CACNA1A: variants seen among roughly 807,000 people sequenced by gnomAD.
The protein encoded by CACNA1A is voltage-dependent P/Q-type calcium channel subunit alpha-1A.
In CACNA1A, 57 loss-of-function variants were observed where a neutral mutation model predicts 262.4. The observed-to-expected ratio is 0.22, with a 90% CI of 0.18 to 0.27. The LOEUF is 0.27. Ranked by LOEUF, CACNA1A falls within the 10% of genes least tolerant of loss-of-function variation. The probability of loss-of-function intolerance (pLI) is 1.00; values close to 1 mark genes in which losing one functional copy is unlikely to be tolerated. For missense variants in CACNA1A, 2,526 were observed against 3,562.8 expected (o/e 0.71, Z 7.41); for synonymous variants, 1,431 against 1,419.3 (o/e 1.01, Z -0.18).
chr19:13,358,433 C>T (rs2059044984), intron 6 of CACNA1A, among the ~76,000 whole-genome samples: 1 of 152,058 alleles, frequency 6.6e-6, no homozygotes, highest in African/African-American at 2.4e-5. Context: ...AGTGTGCACC[C>T]GTGAAGAGAC....
intron 29 of CACNA1A, among the ~76,000 whole-genome samples, 162 bp from the exon 30 acceptor site, chr19:13,253,263 C>T (rs1367350806): frequency 3.3e-5 from 5 of 151,848 alleles, no homozygotes; most frequent in South Asian, 2.1e-4. Context: ...CCCCGCTCTC[C>T]GCCGGACTAG....
chr19:13,413,354 C>T (rs373186284), intron 3 of CACNA1A, among the ~76,000 whole-genome samples: 6 of 150,968 alleles, frequency 4.0e-5, no homozygotes, highest in Admixed American at 1.3e-4. Flanking sequence ...GATCCGCCCG[C>T]CTTGGCCTCC....
intron 31 of CACNA1A, among the ~76,000 whole-genome samples, chr19:13,240,166 A>G (rs967957681): frequency 2.0e-5 from 3 of 147,772 alleles, no homozygotes; most frequent in Non-Finnish European, 4.5e-5. Flanking sequence ...AAAAAAAAAA[A>G]AGAGCGAGAG....
rs538918929 is a variant in CACNA1A, at chr19:13,379,701, G to A, written c.540-7922C>T. ...AACACTTTGGGAGGCCAAGGCTGGC[G>A]GATCACAAGGTCAGGAGTTCGAGAC... On this transcript the variant is annotated intron_variant, in intron 3 of 46. Transcript: ENST00000360228. 3.3e-5 allele frequency among the ~76,000 whole-genome samples: 5 copies of A among 151,976 alleles called. No individual in the cohort carries two copies. The South Asian group carries it at 1.0e-3, about 32-fold the overall frequency.
chr19:13,278,890 G>A (rs2057217318), intron 22 of CACNA1A, among the ~76,000 whole-genome samples: 2 of 152,118 alleles, frequency 1.3e-5, no homozygotes, highest in Non-Finnish European at 1.5e-5. Context: ...CTTCCTGGAG[G>A]GAGGGGCTGG....
chr19:13,318,292 T>C (rs918916908), intron 10 of CACNA1A, among the ~76,000 whole-genome samples: 2 of 152,138 alleles, frequency 1.3e-5, no homozygotes, highest in African/African-American at 4.8e-5. Context: ...TCCTGAAGCA[T>C]GAATGTGTCT....
At chr19:13,231,571 C>G in intron 35 of CACNA1A, 139 bp downstream of exon 35, 1 of 841,368 alleles carries the variant, frequency 1.2e-6, no homozygotes, top group Non-Finnish European at 1.8e-6. Context: ...CGCTCAGGGT[C>G]ACCTGATCCC....
At chr19:13,248,640 G>A (rs1373049229) in intron 30 of CACNA1A, among the ~76,000 whole-genome samples, 1 of 151,904 alleles carries the variant, frequency 6.6e-6, no homozygotes, top group Non-Finnish European at 1.5e-5. Flanking sequence ...GTCAGGAGTT[G>A]GAGACCAACC....
rs1468342463 is a variant in CACNA1A, at chr19:13,207,335, T to C, written c.7499A>G (p.Glu2500Gly). 2 of 1,561,846 alleles carry C rather than the reference T, an allele frequency of 1.3e-6. No individual in the cohort carries two copies. Among genetic ancestry groups the C allele is most frequent in the Admixed American group, 1.8e-5 (1 of 55,532 alleles). The change falls in exon 47 of 47, where the codon GAG (glutamate) becomes GGG (glycine). Residue 2500 changes from glutamate (E) to glycine (G), a missense_variant. Transcript: ENST00000360228. This position sits in a 1 kb window ranked among gnomAD's most constrained non-coding sequence, Gnocchi z 5.7. ...SRKGLHEPYS[E>G]SDDDWC ...GGCTTAGCACCAATCATCGTCACTC[T>C]CGCTGTAGGGTTCGTGCAGGCCCTT... is the stretch of plus-strand genomic sequence containing the variant.
At chr19:13,410,533 CTTTTTTCTTTTTT>C (rs1568617943) in intron 3 of CACNA1A, among the ~76,000 whole-genome samples, 17 of 134,374 alleles carry the variant, frequency 1.3e-4, no homozygotes, top group African/African-American at 5.0e-4. Context: ...TTTCTTTATT[CTTTTTTCTTTTTT>C]TTTTTTTTTT....
chr19:13,408,709 C>A (rs57410139), intron 3 of CACNA1A, among the ~76,000 whole-genome samples: 1,981 of 152,256 alleles, frequency 0.013, 44 homozygotes, highest in African/African-American at 0.044. Context: ...AGTTAATGTT[C>A]TTCCCATAAG....
At chr19:13,310,489 A>AAAAT (rs1568521426) in intron 12 of CACNA1A, among the ~76,000 whole-genome samples, 1 of 20,376 alleles carries the variant, frequency 4.9e-5, no homozygotes, top group Non-Finnish European at 7.8e-5. Flanking sequence ...AAAAAAAAAA[A>AAAAT]ATATATATAT....
At chr19:13,395,786 C>T (rs760245727) in intron 3 of CACNA1A, among the ~76,000 whole-genome samples, 2 of 151,596 alleles carry the variant, frequency 1.3e-5, no homozygotes, top group Admixed American at 1.3e-4. Context: ...GCCCCATACC[C>T]GGAAGGAATG....
intron 19 of CACNA1A, among the ~76,000 whole-genome samples, chr19:13,289,709 C>T (rs1012865494): frequency 1.1e-4 from 16 of 151,964 alleles, no homozygotes; most frequent in Non-Finnish European, 1.5e-5. Flanking sequence ...TGAGAGTCAC[C>T]GAGGATTATT....
At chr19:13,335,774 G>C (rs1434373051) in intron 7 of CACNA1A, 32 bp downstream of exon 7, 1 of 1,348,596 alleles carries the variant, frequency 7.4e-7, no homozygotes, top group Non-Finnish European at 1.1e-6. Context: ...AGAGGAGTGA[G>C]TGGGATGGGG....
Position 13,209,412 on chromosome 19 carries a change from C to G in CACNA1A, c.6426G>C (p.Arg2142=), listed in dbSNP as rs2054719179. The change falls in exon 45 of 47, where the codon CGG becomes CGC. Residue 2142 remains arginine (R), a synonymous_variant. Coordinates refer to ENST00000360228, the MANE Select transcript of CACNA1A (RefSeq NM_001127222.2). ...ARRLDDYSLE[R]VPPEENQRHH... is the part of the protein sequence containing the mutation. Reference sequence around the variant, plus strand: ...GCCGCTGGTTCTCCTCGGGCGGGACCCGCTCCAGCGAGTAATCGTCCAGGC... The same window carrying G: ...GCCGCTGGTTCTCCTCGGGCGGGACGCGCTCCAGCGAGTAATCGTCCAGGC... 2.2e-6 allele frequency: 3 copies of G among 1,394,942 alleles called. No homozygotes were observed. The highest frequency in any genetic ancestry group is 2.8e-6 in the Non-Finnish European group (3 of 1,070,594). The allele number at this position is 1,394,942 out of a possible 1,614,324, so 86.4% of individuals were successfully genotyped here.
chr19:13,388,788 T>G (rs1266652464), intron 3 of CACNA1A, among the ~76,000 whole-genome samples: 1 of 152,232 alleles, frequency 6.6e-6, no homozygotes, highest in African/African-American at 2.4e-5. Context: ...GAGTGCATTC[T>G]CGCAAAAACA....
chr19:13,472,711 T>C (rs1978287878), intron 1 of CACNA1A, among the ~76,000 whole-genome samples: 1 of 152,222 alleles, frequency 6.6e-6, no homozygotes, highest in African/African-American at 2.4e-5. Context: ...TACTTCTAAT[T>C]ATCCTCTACG....
intron 6 of CACNA1A, among the ~76,000 whole-genome samples, chr19:13,344,221 C>CAAAAA (rs35162704): frequency 2.5e-5 from 3 of 121,320 alleles, no homozygotes; most frequent in African/African-American, 3.2e-5. Flanking sequence ...CTCAAAAAAG[C>CAAAAA]AAAAAAAAAA....
Sources: gnomAD v4.1 joint callset for allele counts (sites outside exome capture counted in the v4.1 genomes callset) on GRCh38, gnomAD v4.1.1 for gene constraint, Gnocchi (gnomAD v3.1) non-coding constraint, MANE v1.5 for transcripts, NCBI Gene and HGNC (gene_info 2026-07-23, HGNC 2026-07-21) for gene names.